The following PLEKHA7 variants were observed in gnomAD, a reference collection of about 807,000 sequenced individuals.
The protein encoded by PLEKHA7 is pleckstrin homology domain-containing family A member 7.
In PLEKHA7, 104 loss-of-function variants were observed where a neutral mutation model predicts 170.0. That is an observed-to-expected ratio of 0.61 (90% confidence interval 0.52 to 0.72). The LOEUF is 0.72. Ranked by LOEUF, PLEKHA7 falls within the 30% of genes least tolerant of loss-of-function variation. PLEKHA7 has a pLI of 0.00. For synonymous variants in PLEKHA7, 648 were observed against 660.8 expected (o/e 0.98, Z 0.30); for missense variants, 1,615 against 1,671.7 (o/e 0.97, Z 0.59).
chr11:16,781,930 C>A (rs1037536548), intron 26 of PLEKHA7, among the ~76,000 whole-genome samples: 1 of 152,170 alleles, frequency 6.6e-6, no homozygotes, highest in African/African-American at 2.4e-5. Flanking sequence ...ACCACCCAGA[C>A]ACACAGTGGC....
chr11:16,965,914 G>A (rs929012836), intron 3 of PLEKHA7, among the ~76,000 whole-genome samples: 3 of 152,206 alleles, frequency 2.0e-5, no homozygotes, highest in Non-Finnish European at 4.4e-5. Flanking sequence ...CAGGGGTGGT[G>A]GCTCACACCT....
chr11:16,821,245 C>T (rs1375026234), intron 10 of PLEKHA7, among the ~76,000 whole-genome samples: 1 of 152,206 alleles, frequency 6.6e-6, no homozygotes, highest in Non-Finnish European at 1.5e-5. Flanking sequence ...CACAGGACTT[C>T]CATTTTCTAC....
chr11:16,863,200 C>T (rs1490327586), intron 4 of PLEKHA7, among the ~76,000 whole-genome samples: 2 of 152,102 alleles, frequency 1.3e-5, no homozygotes, highest in Non-Finnish European at 2.9e-5. Context: ...GCAAAATGAA[C>T]CGCCTTTAGC....
chr11:16,902,706 G>A (rs573806447), intron 3 of PLEKHA7, among the ~76,000 whole-genome samples: 25 of 152,192 alleles, frequency 1.6e-4, no homozygotes, highest in Non-Finnish European at 2.1e-4. Flanking sequence ...GAATTCAAAT[G>A]TTACTTATTA....
intron 13 of PLEKHA7, among the ~76,000 whole-genome samples, chr11:16,804,573 C>T (rs1016321350): frequency 2.0e-5 from 3 of 152,212 alleles, no homozygotes; most frequent in East Asian, 1.9e-4. Flanking sequence ...TTCTGGGCTA[C>T]ACACATGCCC....
chr11:16,819,419 GA>G (rs1365720646), intron 10 of PLEKHA7, among the ~76,000 whole-genome samples: 1 of 151,882 alleles, frequency 6.6e-6, no homozygotes, highest in Non-Finnish European at 1.5e-5. Context: ...TTCTGAGAAG[GA>G]AAAAAAATTA....
intron 16 of PLEKHA7, among the ~76,000 whole-genome samples, chr11:16,801,318 C>T (rs1053617405): frequency 1.3e-5 from 2 of 152,244 alleles, no homozygotes; most frequent in Admixed American, 6.5e-5. Flanking sequence ...TCAGCCCTGG[C>T]CTGTACCACA....
chr11:16,979,713 T>TAA (rs1269716639), intron 3 of PLEKHA7, among the ~76,000 whole-genome samples: 3 of 146,286 alleles, frequency 2.1e-5, no homozygotes, highest in African/African-American at 7.5e-5. Context: ...TCAGCAAGAT[T>TAA]AAAAAAAAAA....
At position 16,906,450 on chromosome 11, in the gene PLEKHA7, GCCTGCGATTGCA is replaced by G. The variant is rs1242277990; in HGVS notation, c.222-35280_222-35269del. ...ATTCTCCTGCCTCAGCCTGCCGAGT[GCCTGCGATTGCA>G]GGCACGCGCCGCCATGCCTGACTGG... On this transcript the variant is annotated intron_variant, in intron 3 of 26. Coordinates refer to ENST00000531066, the MANE Select transcript of PLEKHA7 (RefSeq NM_001329630.2). Among the ~76,000 whole-genome samples the G allele has an allele frequency of 2.8e-5, 4 of 143,278 alleles. No individual in the cohort carries two copies. In the East Asian group the frequency reaches 6.0e-4, roughly 21 times the overall value. 94.0% of individuals were successfully genotyped at this position (143,278 alleles called of 152,430 possible).
intron 3 of PLEKHA7, among the ~76,000 whole-genome samples, chr11:16,991,892 G>A (rs1231300857): frequency 3.9e-5 from 6 of 152,204 alleles, no homozygotes; most frequent in African/African-American, 7.2e-5. Context: ...TGACAGTGGC[G>A]TGGACTAGGG....
chr11:16,850,455 C>T (rs1459683791), intron 8 of PLEKHA7, among the ~76,000 whole-genome samples: 28 of 152,234 alleles, frequency 1.8e-4, no homozygotes, highest in Admixed American at 1.8e-3. Flanking sequence ...CTTACCTTCC[C>T]TGGGGAACCC....
At position 16,791,006 on chromosome 11, in the gene PLEKHA7, C is replaced by A. The variant is rs760120278; in HGVS notation, c.2934+5G>T. On this transcript the variant is annotated splice_donor_5th_base_variant and intron_variant, in intron 20 of 26. Coordinates refer to ENST00000531066, the MANE Select transcript of PLEKHA7 (RefSeq NM_001329630.2). The surrounding 1 kb of genome is among the most constrained non-coding windows in gnomAD (Gnocchi z 4.5). Reference sequence around the variant, plus strand: ...AGAGTGGCAGCCCCAGGGTCCCCCGCTCACCCTGGAATCCCCATTCACACA... The same window carrying A: ...AGAGTGGCAGCCCCAGGGTCCCCCGATCACCCTGGAATCCCCATTCACACA... 6.2e-7 allele frequency: 1 copy of A among 1,614,060 alleles called. No homozygotes were observed. Among genetic ancestry groups the A allele is most frequent in the Non-Finnish European group, 8.5e-7 (1 of 1,180,018 alleles).
intron 3 of PLEKHA7, among the ~76,000 whole-genome samples, chr11:16,994,086 G>A (rs868490822): frequency 3.9e-5 from 6 of 152,138 alleles, no homozygotes; most frequent in Non-Finnish European, 8.8e-5. Flanking sequence ...TTGAATTCAC[G>A]GTCTTTCCCT....
chr11:17,010,091 A>C (rs555693624), intron 3 of PLEKHA7, among the ~76,000 whole-genome samples: 1 of 152,298 alleles, frequency 6.6e-6, no homozygotes, highest in Non-Finnish European at 1.5e-5. Flanking sequence ...TTCTGCTTCA[A>C]GAAATGGACT....
chr11:16,921,237 G>A (rs963926734), intron 3 of PLEKHA7, among the ~76,000 whole-genome samples: 3 of 137,156 alleles, frequency 2.2e-5, no homozygotes, highest in Non-Finnish European at 5.2e-5. Flanking sequence ...TGAAAACTCT[G>A]AGCCTAACAG....
intron 3 of PLEKHA7, among the ~76,000 whole-genome samples, chr11:16,904,000 T>C (rs4141150): frequency 0.016 from 2,426 of 152,300 alleles, 19 homozygotes; most frequent in Non-Finnish European, 0.022. Flanking sequence ...GCTGTACAAT[T>C]CTGCAAATCA....
rs1848083281 is a variant in PLEKHA7, at chr11:16,794,567, A to C, written c.2666T>G (p.Val889Gly). 6.2e-7 allele frequency: 1 copy of C among 1,613,716 alleles called. No homozygotes were observed. Among genetic ancestry groups the C allele is most frequent in the South Asian group, 1.1e-5 (1 of 91,034 alleles). ...CTGGGGTGGGTGAGGTCGGTACGGC[A>C]CGTAGGTTTGCAGCTGGGGGAAGAG... is the stretch of plus-strand genomic sequence containing the variant. ...VRLFPQLQTY[V>G]PYRPHPPQLR... is the part of the protein sequence containing the mutation. The change falls in exon 19 of 27, where the codon GTG (valine) becomes GGG (glycine). Residue 889 changes from valine (V) to glycine (G), a missense_variant. Val to Gly is a moderately radical substitution (Grantham distance 109). Transcript: ENST00000531066.
intron 19 of PLEKHA7, among the ~76,000 whole-genome samples, chr11:16,792,532 T>TA (rs5789963): frequency 0.011 from 1,485 of 136,158 alleles, 16 homozygotes; most frequent in Middle Eastern, 0.016. Flanking sequence ...GTACTAAAAT[T>TA]AAAAAAAAAA....
chr11:16,937,744 G>A (rs1401201957), intron 3 of PLEKHA7, among the ~76,000 whole-genome samples: 1 of 152,032 alleles, frequency 6.6e-6, no homozygotes, highest in Non-Finnish European at 1.5e-5. Flanking sequence ...GAGTAGCTGG[G>A]ATTACAGGCA....
Sources: allele counts gnomAD v4.1 joint callset (sites outside exome capture counted in the v4.1 genomes callset), GRCh38; gene constraint gnomAD v4.1.1; non-coding constraint Gnocchi (gnomAD v3.1); transcripts MANE v1.5; gene names NCBI Gene and HGNC (gene_info 2026-07-23, HGNC 2026-07-21).